Variants in ADD1 observed in about 807,000 individuals in gnomAD.
The protein encoded by ADD1 is alpha-adducin.
A neutral mutation model predicts 80.5 loss-of-function variants in ADD1; 24 were observed. That is an observed-to-expected ratio of 0.30 (90% CI 0.22 to 0.42). The LOEUF (loss-of-function observed/expected upper bound fraction) is 0.42, where lower values mean the gene tolerates loss of function less well. Among genes scored for constraint, ADD1 ranks in the 10% least tolerant of loss-of-function variants. ADD1 has a pLI of 1.00. For synonymous variants in ADD1, 373 were observed against 393.8 expected, an observed-to-expected ratio of 0.95 and a Z score of 0.63; for missense variants, 948 against 1,019.0, an observed-to-expected ratio of 0.93 and a Z score of 0.95.
intron 1 of ADD1, among the ~76,000 whole-genome samples, chr4:2,873,669 G>T (rs7689864): frequency 0.022 from 3,348 of 152,166 alleles, 120 homozygotes; most frequent in African/African-American, 0.073. Flanking sequence ...CTTTTTTACC[G>T]ATGAAAATGG....
At chr4:2,888,055 T>C (rs1422927186) in intron 4 of ADD1, among the ~76,000 whole-genome samples, 1 of 146,926 alleles carries the variant, frequency 6.8e-6, no homozygotes, top group Non-Finnish European at 1.5e-5. Flanking sequence ...AATTACAGCG[T>C]TATTATTATT....
intron 1 of ADD1, among the ~76,000 whole-genome samples, chr4:2,852,211 TC>T (rs1462208824): frequency 1.5e-5 from 2 of 130,652 alleles, no homozygotes; most frequent in African/African-American, 5.8e-5. Context: ...TTCTTTCCTT[TC>T]CTTTCTTTCC....
chr4:2,852,220 T>TCCTTTCTTTCCTTTCTTC, intron 1 of ADD1, among the ~76,000 whole-genome samples: 1 of 136,182 alleles, frequency 7.3e-6, no homozygotes, highest in African/African-American at 2.6e-5. Context: ...TTCCTTTCTT[T>TCCTTTCTTTCCTTTCTTC]CCTTTCTTTC....
intron 1 of ADD1, among the ~76,000 whole-genome samples, chr4:2,852,418 C>T (rs1189770841): frequency 6.7e-6 from 1 of 148,466 alleles, no homozygotes; most frequent in Non-Finnish European, 1.5e-5. Context: ...CCTCCGCCTC[C>T]CGGGTTCAAG....
At chr4:2,854,842 A>G (rs916934432) in intron 1 of ADD1, 3 of 152,172 alleles carry the variant, frequency 2.0e-5, no homozygotes, top group African/African-American at 7.2e-5. Flanking sequence ...AGCAGAAATT[A>G]TTCTCTCATA....
At chr4:2,912,530 A>G (rs143576621) in intron 13 of ADD1, among the ~76,000 whole-genome samples, 16 of 139,280 alleles carry the variant, frequency 1.1e-4, no homozygotes, top group Middle Eastern at 7.0e-3. Flanking sequence ...TTTTATTTGT[A>G]TTTTTATTTT....
intron 1 of ADD1, among the ~76,000 whole-genome samples, chr4:2,865,094 A>G (rs1337249221): frequency 1.3e-5 from 2 of 152,170 alleles, no homozygotes; most frequent in Non-Finnish European, 2.9e-5. Context: ...CTTTATGCAA[A>G]TAGAAGGAAA....
intron 6 of ADD1, among the ~76,000 whole-genome samples, chr4:2,895,856 C>A (rs1735106192): frequency 6.6e-6 from 1 of 151,774 alleles, no homozygotes; most frequent in South Asian, 2.1e-4. Context: ...GTTTATTGTA[C>A]AACAGATGAC....
chr4:2,851,159 C>G (rs1727017618), intron 1 of ADD1, among the ~76,000 whole-genome samples: 1 of 152,126 alleles, frequency 6.6e-6, no homozygotes, highest in South Asian at 2.1e-4. Flanking sequence ...GTAATCCTCC[C>G]CACCTCAGCC....
At chr4:2,921,568 A>AT (rs1162915271) in intron 14 of ADD1, among the ~76,000 whole-genome samples, 2 of 151,614 alleles carry the variant, frequency 1.3e-5, no homozygotes, top group Admixed American at 1.3e-4. Context: ...TGCCCTTAAC[A>AT]TTTTTTCCTT....
At chr4:2,923,659 G>C (rs1740470969) in intron 14 of ADD1, among the ~76,000 whole-genome samples, 1 of 152,254 alleles carries the variant, frequency 6.6e-6, no homozygotes, top group African/African-American at 2.4e-5. Flanking sequence ...TCACCGGGGA[G>C]AGACCTCCTT....
chr4:2,885,824 A>C (rs1489294503), intron 4 of ADD1, among the ~76,000 whole-genome samples: 1 of 151,916 alleles, frequency 6.6e-6, no homozygotes, highest in East Asian at 1.9e-4. Flanking sequence ...GTTAGCCAGG[A>C]TGGTCTCGAT....
intron 10 of ADD1, chr4:2,905,587 CTT>C (rs1202668316): frequency 5.8e-6 from 1 of 172,834 alleles, no homozygotes; most frequent in Non-Finnish European, 1.3e-5. Context: ...TCTGCTGACT[CTT>C]GTCCCCTGCC....
intron 1 of ADD1, among the ~76,000 whole-genome samples, chr4:2,860,626 A>G (rs1208584018): frequency 6.6e-6 from 1 of 152,242 alleles, no homozygotes; most frequent in African/African-American, 2.4e-5. Context: ...CTCTGTGAAT[A>G]CAGTAGTGAA....
intron 9 of ADD1, among the ~76,000 whole-genome samples, chr4:2,903,611 C>T (rs1056388111): frequency 2.0e-5 from 3 of 152,222 alleles, no homozygotes; most frequent in Non-Finnish European, 2.9e-5. Flanking sequence ...GAGACAGAGA[C>T]TCTTATAAGA....
intron 1 of ADD1, among the ~76,000 whole-genome samples, chr4:2,867,140 G>T (rs1236019541): frequency 6.6e-6 from 1 of 152,190 alleles, no homozygotes; most frequent in African/African-American, 2.4e-5. Flanking sequence ...GAGGAATCTT[G>T]CAGGGTGGTT....
intron 4 of ADD1, among the ~76,000 whole-genome samples, chr4:2,888,565 G>A (rs1267791432): frequency 6.6e-6 from 1 of 151,328 alleles, no homozygotes; most frequent in Non-Finnish European, 1.5e-5. Flanking sequence ...ACAGGCACCT[G>A]CCACCACACA....
Position 2,929,979 on chromosome 4 carries a change from T to C in ADD1, c.*1456T>C, listed in dbSNP as rs1043256036. On this transcript the variant is annotated 3_prime_UTR_variant, in exon 16 of 16. Coordinates refer to ENST00000683351, the MANE Select transcript of ADD1 (RefSeq NM_001354761.2). ...ACAACATGAAATATAGTTGCATATA[T>C]GGACACCGACTTGGGAGGACAGGTC... is the stretch of plus-strand genomic sequence containing the variant. The C allele has an allele frequency of 3.3e-5, 5 of 152,634 alleles. No individual in the cohort carries two copies. Among genetic ancestry groups the C allele is most frequent in the Admixed American group, 2.6e-4 (4 of 15,288 alleles). 9.5% of individuals were successfully genotyped at this position (152,634 alleles called of 1,614,324 possible).
At chr4:2,917,170 A>G (rs1168676918) in intron 14 of ADD1, among the ~76,000 whole-genome samples, 5 of 152,268 alleles carry the variant, frequency 3.3e-5, no homozygotes, top group South Asian at 2.1e-4. Context: ...AAGTGTTCCT[A>G]TTTCTCCACA....
Sources: gnomAD v4.1 joint callset for allele counts (sites outside exome capture counted in the v4.1 genomes callset) on GRCh38, gnomAD v4.1.1 for gene constraint, MANE v1.5 for transcripts, NCBI Gene and HGNC (gene_info 2026-07-23, HGNC 2026-07-21) for gene names.